The following MSRB3 variants were observed in gnomAD, a reference collection of about 807,000 sequenced individuals.
MSRB3 encodes methionine sulfoxide reductase B3.
Under a neutral mutation model 21.0 loss-of-function variants are expected in MSRB3, and 13 were observed. The observed-to-expected ratio is 0.62, with a 90% CI of 0.40 to 0.98. The LOEUF (loss-of-function observed/expected upper bound fraction) is 0.98. Ranked by LOEUF, MSRB3 falls within the 50% of genes least tolerant of loss-of-function variation. MSRB3 has a pLI of 0.00. For missense variants in MSRB3, 199 were observed against 230.3 expected, an observed-to-expected ratio of 0.86 and a Z score of 0.88; for synonymous variants, 87 against 88.6, an observed-to-expected ratio of 0.98 and a Z score of 0.10.
In MSRB3 at chr12:65,328,538, A is replaced by C. The variant is rs183150969; in HGVS notation, c.198A>C (p.Gly66=). The change falls in exon 4 of 7, where the codon GGA becomes GGC. Residue 66 remains glycine (G), a synonymous_variant. Coordinates refer to ENST00000308259, the MANE Select transcript of MSRB3 (RefSeq NM_001031679.3). ...GTTTATTTATCAGTGCCTTTGAAGG[A>C]GAATACACACATCACAAAGATCCTG... ...QEKGTESAFE[G]EYTHHKDPGI... is the part of the protein sequence containing the mutation. 1.4e-5 allele frequency: 22 copies of C among 1,609,776 alleles called. No individual in the cohort carries two copies. The highest frequency in any genetic ancestry group is 1.3e-4 in the Admixed American group (8 of 60,010).
chr12:65,375,092 G>A (rs1260200863), intron 5 of MSRB3, among the ~76,000 whole-genome samples: 2 of 150,576 alleles, frequency 1.3e-5, no homozygotes, highest in African/African-American at 2.4e-5. Flanking sequence ...TGATCAGCTC[G>A]CCTCGGCCTC....
In MSRB3 at chr12:65,463,831, A is replaced by ACT. The variant is rs1555215683; in HGVS notation, c.*509_*510insCT. 1 of 152,722 alleles carries ACT rather than the reference A, an allele frequency of 6.5e-6. No individual in the cohort carries two copies. Among genetic ancestry groups the ACT allele is most frequent in the African/African-American group, 2.5e-5 (1 of 40,734 alleles). The allele number at this position is 152,722 out of a possible 1,614,324, so 9.5% of individuals were successfully genotyped here. The stretch of plus-strand genomic sequence containing the variant: ...TTTGTGGAAAGTTTGAGCTAAGGTC[A>ACT]TTTTTTTTTTTCTCACTGAAAGGGT... On this transcript the variant is annotated 3_prime_UTR_variant, in exon 7 of 7. Coordinates refer to ENST00000308259, the MANE Select transcript of MSRB3 (RefSeq NM_001031679.3).
At chr12:65,402,737 C>T (rs1288292587) in intron 5 of MSRB3, among the ~76,000 whole-genome samples, 1 of 152,164 alleles carries the variant, frequency 6.6e-6, no homozygotes, top group Non-Finnish European at 1.5e-5. Context: ...GGTTTTTCCC[C>T]ATCTTCGTGG....
chr12:65,408,535 T>A (rs965432465), intron 5 of MSRB3, among the ~76,000 whole-genome samples: 2 of 152,180 alleles, frequency 1.3e-5, no homozygotes, highest in African/African-American at 4.8e-5. Flanking sequence ...TTAAATATGG[T>A]TTGAGATGTG....
chr12:65,334,500 C>T (rs1875632704), intron 4 of MSRB3, among the ~76,000 whole-genome samples: 2 of 152,088 alleles, frequency 1.3e-5, no homozygotes, highest in African/African-American at 2.4e-5. Flanking sequence ...CACTTAGCAT[C>T]GTTGGAACAA....
At chr12:65,419,088 G>C in intron 5 of MSRB3, 1 of 694,380 alleles carries the variant, frequency 1.4e-6, no homozygotes, top group Non-Finnish European at 2.6e-6. Context: ...TGGAGTCCAG[G>C]TCAGTCTCCG....
At chr12:65,317,654 T>A (rs1027485906) in intron 2 of MSRB3, among the ~76,000 whole-genome samples, 1 of 152,168 alleles carries the variant, frequency 6.6e-6, no homozygotes, top group East Asian at 1.9e-4. Context: ...AATCAAATAT[T>A]AGTTATAATA....
At chr12:65,405,134 G>T (rs915639796) in intron 5 of MSRB3, among the ~76,000 whole-genome samples, 3 of 151,600 alleles carry the variant, frequency 2.0e-5, no homozygotes, top group African/African-American at 7.3e-5. Flanking sequence ...TGTATTTTTC[G>T]TAGAGATGGG....
At chr12:65,422,428 A>ATATATGTT in intron 5 of MSRB3, among the ~76,000 whole-genome samples, 1 of 73,420 alleles carries the variant, frequency 1.4e-5, no homozygotes, top group South Asian at 4.5e-4. Flanking sequence ...ATATATATAT[A>ATATATGTT]TATTTATTTA....
chr12:65,341,593 T>C (rs1876147261), intron 4 of MSRB3, among the ~76,000 whole-genome samples: 1 of 151,350 alleles, frequency 6.6e-6, no homozygotes, highest in African/African-American at 2.4e-5. Context: ...AAACAAAGGA[T>C]AAATGCTTGC....
chr12:65,463,257 A>G lies in MSRB3; in HGVS notation c.493A>G (p.Ser165Gly). The G allele has an allele frequency of 6.2e-7, 1 of 1,614,234 alleles. No homozygotes were observed. The highest frequency in any genetic ancestry group is 8.5e-7 in the Non-Finnish European group (1 of 1,180,046). The change falls in exon 7 of 7, where the codon AGT (serine) becomes GGT (glycine). Residue 165 changes from serine to glycine, a missense_variant. By Grantham distance (56) the Ser-to-Gly change is moderately conservative. Transcript: ENST00000308259. ...CTTGTCTTTTACACCTGCGGATAGCAGTGGCACCGCCGAGGGAGGCAGTGG... is the reference window on the plus strand; with the variant it reads ...CTTGTCTTTTACACCTGCGGATAGCGGTGGCACCGCCGAGGGAGGCAGTGG... ...AALSFTPADS[S>G]GTAEGGSGVA...
intron 5 of MSRB3, among the ~76,000 whole-genome samples, chr12:65,425,580 G>A (rs1207492664): frequency 6.6e-6 from 1 of 151,790 alleles, no homozygotes; most frequent in Non-Finnish European, 1.5e-5. Context: ...GTCATAATAG[G>A]CTATTTTAAG....
intron 5 of MSRB3, among the ~76,000 whole-genome samples, chr12:65,370,406 T>C (rs942458298): frequency 6.6e-6 from 1 of 152,134 alleles, no homozygotes; most frequent in African/African-American, 2.4e-5. Flanking sequence ...AAGAACCCAC[T>C]TCATTATGAT....
chr12:65,432,120 G>A (rs903995757), intron 5 of MSRB3, among the ~76,000 whole-genome samples: 1 of 151,934 alleles, frequency 6.6e-6, no homozygotes, highest in Non-Finnish European at 1.5e-5. Flanking sequence ...ATCAATAAAA[G>A]AAGGGATTCT....
rs75751202 is a variant in MSRB3 at position 65,288,604 on chromosome 12, T to C, written c.-52+9739T>C. ...AGATTACAATGTATCAGAAGCATCA[T>C]ATTAAATATCCCATCTGAAGTAATG... On this transcript the variant is annotated intron_variant, in intron 1 of 6. Transcript: ENST00000308259. Among the ~76,000 whole-genome samples the C allele has an allele frequency of 1.1e-4, 17 of 152,314 alleles. No homozygotes were observed. In the East Asian group the frequency reaches 3.1e-3, roughly 28 times the overall value.
At chr12:65,395,731 T>G (rs1879744275) in intron 5 of MSRB3, among the ~76,000 whole-genome samples, 1 of 152,184 alleles carries the variant, frequency 6.6e-6, no homozygotes, top group Non-Finnish European at 1.5e-5. Flanking sequence ...CTTGTGTGAG[T>G]TGGATAGATT....
chr12:65,349,303 T>A (rs1426648595), intron 4 of MSRB3, among the ~76,000 whole-genome samples: 4 of 151,872 alleles, frequency 2.6e-5, no homozygotes, highest in Non-Finnish European at 5.9e-5. Flanking sequence ...TAATCCAGTC[T>A]ATCATTGTTG....
chr12:65,353,647 A>G (rs902679979), intron 4 of MSRB3, among the ~76,000 whole-genome samples: 8 of 152,074 alleles, frequency 5.3e-5, no homozygotes, highest in African/African-American at 1.9e-4. Context: ...TTTCCTGAAT[A>G]CAGCACCCTG....
At chr12:65,320,701 A>T (rs560610806) in intron 2 of MSRB3, among the ~76,000 whole-genome samples, 1 of 152,342 alleles carries the variant, frequency 6.6e-6, no homozygotes, top group South Asian at 2.1e-4. Flanking sequence ...AGCTATTTTG[A>T]GGGTAGCACT....
Sources: gnomAD v4.1 joint callset for allele counts (sites outside exome capture counted in the v4.1 genomes callset) on GRCh38, gnomAD v4.1.1 for gene constraint, MANE v1.5 for transcripts, NCBI Gene and HGNC (gene_info 2026-07-23, HGNC 2026-07-21) for gene names.